Variants in CACNA1C observed in about 807,000 individuals in gnomAD.
CACNA1C encodes voltage-dependent L-type calcium channel subunit alpha-1C.
A neutral mutation model predicts 229.0 loss-of-function variants in CACNA1C; 30 were observed. The observed-to-expected ratio is 0.13, with a 90% CI of 0.10 to 0.18. The LOEUF is 0.18. Among genes scored for constraint, CACNA1C ranks in the 10% least tolerant of loss-of-function variants. CACNA1C has a pLI of 1.00. For missense variants in CACNA1C, 1,658 were observed against 2,845.0 expected (o/e 0.58, Z 9.49); for synonymous variants, 1,114 against 1,132.5 (o/e 0.98, Z 0.33).
intron 9 of CACNA1C, among the ~76,000 whole-genome samples, chr12:2,522,374 C>T (rs181975114): frequency 6.2e-4 from 95 of 152,364 alleles, no homozygotes; most frequent in African/African-American, 2.1e-3. Flanking sequence ...GAATTCTCTT[C>T]GGATCAGAGA....
chr12:2,181,647 G>C lies in CACNA1C; in HGVS notation c.477+61217G>C, dbSNP rs2096843629. On this transcript the variant is annotated intron_variant, in intron 3 of 46. Transcript: ENST00000399655. This position sits in a 1 kb window ranked among gnomAD's most constrained non-coding sequence, Gnocchi z 4.0. The stretch of plus-strand genomic sequence containing the variant: ...AGAATAGTGAGTAGTGTGTAGGCCA[G>C]GGCAAGAAAAAGAAGAGCAATAATA... Among the ~76,000 whole-genome samples, 1 of 152,110 alleles carries C rather than the reference G, an allele frequency of 6.6e-6. No homozygotes were observed. The highest frequency in any genetic ancestry group is 1.5e-5 in the Non-Finnish European group (1 of 68,026).
chr12:2,459,310 C>T (rs539140886), intron 5 of CACNA1C, among the ~76,000 whole-genome samples: 2 of 151,910 alleles, frequency 1.3e-5, no homozygotes, highest in East Asian at 1.9e-4. Context: ...CCACTGCGCC[C>T]GGCCAATTGT....
chr12:2,462,930 T>C (rs1180510520), intron 5 of CACNA1C, among the ~76,000 whole-genome samples: 2 of 136,620 alleles, frequency 1.5e-5, no homozygotes, highest in Admixed American at 1.5e-4. Flanking sequence ...TTTTTTTTTT[T>C]GAGACGGAGT....
At chr12:2,310,371 ATGTATG>A (rs1315304200) in intron 3 of CACNA1C, among the ~76,000 whole-genome samples, 153 of 150,652 alleles carry the variant, frequency 1.0e-3, no homozygotes, top group Middle Eastern at 3.6e-3. Context: ...ATATATATAT[ATGTATG>A]GGAATAAAGA....
At chr12:2,349,670 C>T (rs1278253384) in intron 3 of CACNA1C, among the ~76,000 whole-genome samples, 2 of 152,018 alleles carry the variant, frequency 1.3e-5, no homozygotes, top group Admixed American at 1.3e-4. Context: ...CTGCAGTGGT[C>T]CCACGGATCT....
chr12:2,485,000 G>A lies in CACNA1C; in HGVS notation c.758-1104G>A, dbSNP rs75743819. On this transcript the variant is annotated intron_variant, in intron 5 of 46. Transcript: ENST00000399655. The stretch of plus-strand genomic sequence containing the variant: ...GAGAATCACATCACCAGAATGAAAA[G>A]CACCAACAACGGCCTTGGGGTTTGG... Among the ~76,000 whole-genome samples the A allele has an allele frequency of 9.7e-4, 147 of 151,230 alleles. 3 individuals carry two copies. In the East Asian group the frequency reaches 0.025, roughly 26 times the overall value.
Position 2,255,226 on chromosome 12 carries a change from C to T in CACNA1C, c.477+134796C>T, listed in dbSNP as rs1247019387. Among the ~76,000 whole-genome samples, 5 of 150,982 alleles carry T rather than the reference C, an allele frequency of 3.3e-5. 1 individual carries two copies. The South Asian group carries it at 8.4e-4, about 25-fold the overall frequency. Reference sequence around the variant, plus strand: ...TGGTTTTACTGAGGTACTGTGAGAGCCAGTGAAATCACGGTTATGGGATGC... The same window carrying T: ...TGGTTTTACTGAGGTACTGTGAGAGTCAGTGAAATCACGGTTATGGGATGC... On this transcript the variant is annotated intron_variant, in intron 3 of 46. Coordinates refer to ENST00000399655, the MANE Select transcript of CACNA1C (RefSeq NM_000719.7).
chr12:2,070,103 C>T (rs527478164), intron 1 of CACNA1C, among the ~76,000 whole-genome samples: 1 of 152,062 alleles, frequency 6.6e-6, no homozygotes, highest in Non-Finnish European at 1.5e-5. Flanking sequence ...CCATGCCCAG[C>T]CTTAAAGAGC....
At chr12:1,974,153 C>T (rs1376454931) in intron 1 of CACNA1C, among the ~76,000 whole-genome samples, 1 of 152,158 alleles carries the variant, frequency 6.6e-6, no homozygotes, top group Non-Finnish European at 1.5e-5. Context: ...GAAATGAAAT[C>T]TAAGACTTCA....
At chr12:2,306,305 C>T (rs564833225) in intron 3 of CACNA1C, among the ~76,000 whole-genome samples, 2 of 152,252 alleles carry the variant, frequency 1.3e-5, no homozygotes, top group South Asian at 4.1e-4. Context: ...AGCCTGTGCG[C>T]TCTGCCGTCT....
chr12:2,391,419 A>T (rs897496610), intron 3 of CACNA1C, among the ~76,000 whole-genome samples: 1 of 152,190 alleles, frequency 6.6e-6, no homozygotes, highest in Non-Finnish European at 1.5e-5. Flanking sequence ...TTTTTGGGCA[A>T]CGTCTAACCC....
intron 3 of CACNA1C, among the ~76,000 whole-genome samples, chr12:2,347,227 C>G (rs1033662783): frequency 3.3e-5 from 5 of 152,178 alleles, no homozygotes; most frequent in Admixed American, 3.3e-4. Flanking sequence ...TTCTCACCTC[C>G]CCACGAACAC....
intron 3 of CACNA1C, among the ~76,000 whole-genome samples, chr12:2,409,012 A>T (rs1318300693): frequency 6.6e-6 from 1 of 152,062 alleles, no homozygotes; most frequent in African/African-American, 2.4e-5. Context: ...GACTAGTGCC[A>T]CTCATAATCA....
At chr12:2,638,796 G>A (rs2093243938) in intron 30 of CACNA1C, among the ~76,000 whole-genome samples, 1 of 152,226 alleles carries the variant, frequency 6.6e-6, no homozygotes, top group Non-Finnish European at 1.5e-5. Flanking sequence ...AGGTAGGCAA[G>A]GAGGCGGGCT....
intron 29 of CACNA1C, 52 bp downstream of exon 29, chr12:2,612,065 C>T (rs181358580): frequency 6.5e-5 from 72 of 1,101,866 alleles, no homozygotes; most frequent in Middle Eastern, 2.0e-4. Flanking sequence ...GTGGACAGAA[C>T]GGGGAGGTGG....
chr12:2,619,534 C>T (rs1302885215), intron 29 of CACNA1C, among the ~76,000 whole-genome samples: 4 of 152,282 alleles, frequency 2.6e-5, no homozygotes, highest in African/African-American at 9.6e-5. Flanking sequence ...CTTTAAGGCT[C>T]ATCTTAATGC....
At chr12:2,373,476 C>T (rs2154541706) in intron 3 of CACNA1C, among the ~76,000 whole-genome samples, 1 of 152,182 alleles carries the variant, frequency 6.6e-6, no homozygotes, top group South Asian at 2.1e-4. Flanking sequence ...GGCCCGACTG[C>T]CCTGAGGAGC....
intron 3 of CACNA1C, among the ~76,000 whole-genome samples, chr12:2,239,072 C>T (rs964335840): frequency 3.3e-5 from 5 of 152,124 alleles, no homozygotes; most frequent in African/African-American, 9.7e-5. Context: ...CATGGTAGCT[C>T]GTGAAATTTT....
At chr12:2,231,003 C>G (rs2064944400) in intron 3 of CACNA1C, among the ~76,000 whole-genome samples, 1 of 152,176 alleles carries the variant, frequency 6.6e-6, no homozygotes. Context: ...GCCACGCGGA[C>G]TATTGGGAGG....
Sources: allele counts gnomAD v4.1 joint callset (sites outside exome capture counted in the v4.1 genomes callset), GRCh38; gene constraint gnomAD v4.1.1; non-coding constraint Gnocchi (gnomAD v3.1); transcripts MANE v1.5; gene names NCBI Gene and HGNC (gene_info 2026-07-23, HGNC 2026-07-21).